Variants in EFHB observed in about 807,000 individuals in gnomAD.
The protein encoded by EFHB is EF-hand domain family member B.
EFHB carries 91 observed loss-of-function variants against 87.2 expected under a neutral mutation model. The ratio of observed to expected loss-of-function variants is 1.04; its 90% CI spans 0.88 to 1.24. The LOEUF (loss-of-function observed/expected upper bound fraction) is 1.24, where lower values mean the gene tolerates loss of function less well. Ranked by LOEUF, EFHB falls within the 50% of genes most tolerant of loss-of-function variation. The pLI is 0.00. For missense variants in EFHB, 1,084 were observed against 998.8 expected (o/e 1.09, Z -1.15); for synonymous variants, 325 against 333.6 (o/e 0.97, Z 0.28).
At chr3:19,883,379 G>T (rs141248369) in intron 11 of EFHB, among the ~76,000 whole-genome samples, 4 of 152,236 alleles carry the variant, frequency 2.6e-5, no homozygotes, top group African/African-American at 7.2e-5. Flanking sequence ...ACAGTCTAAC[G>T]AGAGTAACAA....
chr3:19,882,115 A>T (rs2071694207), intron 12 of EFHB, among the ~76,000 whole-genome samples: 1 of 152,250 alleles, frequency 6.6e-6, no homozygotes, highest in African/African-American at 2.4e-5. Flanking sequence ...AAGACAGAAT[A>T]TTTTAAATCA....
At chr3:19,938,277 T>C (rs907097115), upstream of EFHB, among the ~76,000 whole-genome samples, 1 of 152,248 alleles carries the variant, frequency 6.6e-6, no homozygotes, top group African/African-American at 2.4e-5. Context: ...CACAGGTATA[T>C]ACATTTGTCA....
At chr3:19,926,387 G>A (rs1157367989) in intron 1 of EFHB, among the ~76,000 whole-genome samples, 5 of 151,896 alleles carry the variant, frequency 3.3e-5, no homozygotes, top group Non-Finnish European at 5.9e-5. Flanking sequence ...ATTTTGAGAC[G>A]GAGTCTCGCT....
At chr3:19,883,036 T>C (rs1218937375) in intron 11 of EFHB, among the ~76,000 whole-genome samples, 1 of 152,168 alleles carries the variant, frequency 6.6e-6, no homozygotes, top group Non-Finnish European at 1.5e-5. Flanking sequence ...GGTCTCACTC[T>C]GTCACCCAGG....
chr3:19,905,340 T>C (rs557807278), intron 6 of EFHB, among the ~76,000 whole-genome samples: 1 of 152,204 alleles, frequency 6.6e-6, no homozygotes, highest in East Asian at 1.9e-4. Flanking sequence ...CAAATAAAGT[T>C]GATCCCAGAG....
chr3:19,940,892 G>T, intron 1 of EFHB: 1 of 348,784 alleles, frequency 2.9e-6, no homozygotes, highest in Non-Finnish European at 5.8e-6. Context: ...TGTCAGAGTA[G>T]GTAGTGAAGG....
chr3:19,908,685 T>A (rs1411723012), intron 5 of EFHB, among the ~76,000 whole-genome samples: 1 of 151,526 alleles, frequency 6.6e-6, no homozygotes, highest in Non-Finnish European at 1.5e-5. Flanking sequence ...TAGAGAATTG[T>A]GGGAATTTTT....
At position 19,916,676 on chromosome 3, in the gene EFHB, T is replaced by C. The variant is rs575446134; in HGVS notation, c.1178-1263A>G. 7.9e-5 allele frequency among the ~76,000 whole-genome samples: 12 copies of C among 152,304 alleles called. No homozygotes were observed. In the East Asian group the frequency reaches 1.2e-3, roughly 15 times the overall value. On this transcript the variant is annotated intron_variant, in intron 4 of 12. Coordinates refer to ENST00000295824, the MANE Select transcript of EFHB (RefSeq NM_144715.4). ...TTAATAGCTGCATTCCCATGACTAGTGGTACCCAGTTTTGTGTACAGTGAA... is the reference window on the plus strand; with the variant it reads ...TTAATAGCTGCATTCCCATGACTAGCGGTACCCAGTTTTGTGTACAGTGAA...
intron 11 of EFHB, 141 bp downstream of exon 11, chr3:19,884,262 C>T (rs1333911004): frequency 1.3e-6 from 1 of 745,972 alleles, no homozygotes; most frequent in Non-Finnish European, 2.1e-6. Context: ...CCTCTCCTCC[C>T]CAGGTGGTTA....
Position 19,884,464 on chromosome 3 carries a change from G to A in EFHB, c.2085C>T (p.Ser695=), listed in dbSNP as rs1345038056. 1.2e-6 allele frequency: 2 copies of A among 1,613,874 alleles called. No homozygotes were observed. The highest frequency in any genetic ancestry group is 1.3e-5 in the African/African-American group (1 of 75,014). Residue 695 remains serine (S), a synonymous_variant, in exon 11 of 13, where the codon TCC becomes TCT. Coordinates refer to ENST00000295824, the MANE Select transcript of EFHB (RefSeq NM_144715.4). ...RTLLRPSDKV[S]NYYKTTSSEI... is the part of the protein sequence containing the mutation. ...CAGAAGAAGTTGTCTTATAGTAGTT[G>A]GAAACTTTATCACTTGGTCTCAGAA...
chr3:19,944,723 A>T (rs1696231845), intron 1 of EFHB, among the ~76,000 whole-genome samples: 1 of 151,820 alleles, frequency 6.6e-6, no homozygotes, highest in Admixed American at 6.6e-5. Context: ...TACTGGAACG[A>T]TGAAATAGGG....
intron 1 of EFHB, among the ~76,000 whole-genome samples, chr3:19,924,457 C>T (rs1695548297): frequency 6.6e-6 from 1 of 152,178 alleles, no homozygotes; most frequent in South Asian, 2.1e-4. Context: ...CGTGATCCTC[C>T]CTCCTCAGCC....
In EFHB at chr3:19,918,345, G is replaced by T. The variant is rs1695309853; in HGVS notation, c.1064C>A (p.Ser355Tyr). The T allele has an allele frequency of 1.2e-6, 2 of 1,611,802 alleles. No individual in the cohort carries two copies. Among genetic ancestry groups the T allele is most frequent in the Non-Finnish European group, 1.7e-6 (2 of 1,179,114 alleles). ...TGCTCGTCGATTGCTAAGATATATA[G>T]ATTCTTTTTTATCTTTAATTTTCTG... ...FQQKIKDKKE[S>Y]IYLSNRRAPL... is the part of the protein sequence containing the mutation. The change falls in exon 4 of 13, where the codon TCT becomes TAT. Residue 355 changes from serine to tyrosine, a missense_variant. Transcript: ENST00000295824.
At chr3:19,928,501 G>T (rs2929319) in intron 1 of EFHB, among the ~76,000 whole-genome samples, 44 of 152,128 alleles carry the variant, frequency 2.9e-4, no homozygotes, top group Admixed American at 1.4e-3. Flanking sequence ...GCCCAGGACA[G>T]TGGTGCGATC....
chr3:19,937,693 TC>T (rs1448969446), upstream of EFHB, among the ~76,000 whole-genome samples: 1 of 152,134 alleles, frequency 6.6e-6, no homozygotes, highest in Non-Finnish European at 1.5e-5. Context: ...TTCTCTCTTT[TC>T]CTTTGAGCTC....
rs755255469 is a variant in EFHB, at chr3:19,898,820, G to A, written c.1528C>T (p.Pro510Ser). ...DPIAETMNVP[P>S]DCTFGACLRP... ...AGACAAGCTCCAAATGTGCAGTCTG[G>A]GGGAACATTCATTGTTTCTGCAATG... Residue 510 changes from proline to serine, a missense_variant, in exon 8 of 13, where the codon CCA becomes TCA. Pro to Ser is a moderately conservative substitution (Grantham distance 74, BLOSUM62 -1). Coordinates refer to ENST00000295824, the MANE Select transcript of EFHB (RefSeq NM_144715.4). 1 of 1,613,714 alleles carries A rather than the reference G, an allele frequency of 6.2e-7. No individual in the cohort carries two copies. The highest frequency in any genetic ancestry group is 1.1e-5 in the South Asian group (1 of 91,014).
rs746946953 is a variant in EFHB at position 19,933,534 on chromosome 3, G to A, written c.485C>T (p.Ala162Val). The change falls in exon 1 of 13, where the codon GCT (alanine) becomes GTT (valine). Residue 162 changes from alanine to valine, a missense_variant. Coordinates refer to ENST00000295824, the MANE Select transcript of EFHB (RefSeq NM_144715.4). ...EGVEELVGKP[A>V]FVMEPRQEME... ...TTCCTGTCTTGGTTCCATAACGAAA[G>A]CAGGCTTTCCCACTAATTCCTCTAC... is the stretch of plus-strand genomic sequence containing the variant. 1.9e-6 allele frequency: 3 copies of A among 1,613,854 alleles called. No homozygotes were observed. Among genetic ancestry groups the A allele is most frequent in the Non-Finnish European group, 2.5e-6 (3 of 1,179,884 alleles).
chr3:19,904,324 G>A (rs938790032), intron 6 of EFHB, among the ~76,000 whole-genome samples: 2 of 152,158 alleles, frequency 1.3e-5, no homozygotes, highest in Admixed American at 6.5e-5. Flanking sequence ...TGTCAGTAAG[G>A]CCACATTTCC....
At chr3:19,935,637 G>A (rs552859341), upstream of EFHB, among the ~76,000 whole-genome samples, 7 of 152,140 alleles carry the variant, frequency 4.6e-5, no homozygotes, top group East Asian at 1.9e-4. Flanking sequence ...ATTTAAACCC[G>A]GAGGCAGAGG....
Sources: allele counts gnomAD v4.1 joint callset (sites outside exome capture counted in the v4.1 genomes callset), GRCh38; gene constraint gnomAD v4.1.1; transcripts MANE v1.5; gene names NCBI Gene and HGNC (gene_info 2026-07-23, HGNC 2026-07-21).